DOCK2: variants seen among roughly 807,000 people sequenced by gnomAD.
The protein encoded by DOCK2 is dedicator of cytokinesis protein 2.
Under a neutral mutation model 248.9 loss-of-function variants are expected in DOCK2, and 87 were observed. That is an observed-to-expected ratio of 0.35 (90% confidence interval 0.29 to 0.42). DOCK2 has a LOEUF of 0.42. DOCK2 is among the 10% of genes least tolerant of loss of function. The pLI is 1.00. For missense variants in DOCK2, 1,747 were observed against 2,300.2 expected (o/e 0.76, Z 4.92); for synonymous variants, 805 against 821.6 (o/e 0.98, Z 0.35).
At chr5:169,654,832 A>T (rs1758013802) in intron 2 of DOCK2, among the ~76,000 whole-genome samples, 1 of 152,210 alleles carries the variant, frequency 6.6e-6, no homozygotes, top group Admixed American at 6.5e-5. Context: ...AGGGTCCCAT[A>T]AATCACACCT....
rs950762900 is a variant in DOCK2, at chr5:169,924,318, C to A, written c.2800-58750C>A. Among the ~76,000 whole-genome samples the A allele has an allele frequency of 3.9e-5, 6 of 152,250 alleles. No homozygotes were observed. In the South Asian group the frequency reaches 1.2e-3, roughly 32 times the overall value. On this transcript the variant is annotated intron_variant, in intron 27 of 51. Coordinates refer to ENST00000520908, the MANE Select transcript of DOCK2 (RefSeq NM_004946.3). ...TATATTTTCAAAATAAATAGGAAGT[C>A]TCTGTCCTCATACTCTTTCCCTGTC...
chr5:169,740,011 C>T (rs1469163518), intron 22 of DOCK2, among the ~76,000 whole-genome samples: 2 of 152,216 alleles, frequency 1.3e-5, no homozygotes, highest in Non-Finnish European at 2.9e-5. Flanking sequence ...ACCCTAAATA[C>T]CATTTTTCAT....
intron 27 of DOCK2, among the ~76,000 whole-genome samples, chr5:169,905,296 T>G (rs1561812093): frequency 6.7e-6 from 1 of 149,712 alleles, no homozygotes; most frequent in Non-Finnish European, 1.5e-5. Context: ...AGCCAGTGTT[T>G]TTTTTTTTTT....
chr5:169,837,068 T>C (rs1769627253), intron 26 of DOCK2, among the ~76,000 whole-genome samples: 1 of 152,118 alleles, frequency 6.6e-6, no homozygotes, highest in East Asian at 1.9e-4. Flanking sequence ...CTAGTCCCCA[T>C]CCACTCCCAG....
intron 27 of DOCK2, among the ~76,000 whole-genome samples, chr5:169,956,354 A>T (rs11740357): frequency 6.6e-6 from 1 of 152,034 alleles, no homozygotes; most frequent in Non-Finnish European, 1.5e-5. Flanking sequence ...AAGTGATACT[A>T]CTAACTTAAG....
At chr5:169,705,180 C>T (rs188290195) in intron 14 of DOCK2, among the ~76,000 whole-genome samples, 61 of 152,158 alleles carry the variant, frequency 4.0e-4, no homozygotes, top group Admixed American at 2.0e-3. Flanking sequence ...AGACAAAACA[C>T]GCCATAGGTA....
intron 27 of DOCK2, among the ~76,000 whole-genome samples, chr5:169,962,974 C>T (rs1168232598): frequency 6.6e-6 from 1 of 152,138 alleles, no homozygotes. Context: ...AGGGTGGAAG[C>T]TCTAGCTGGG....
At chr5:169,883,621 C>T (rs551914094) in intron 27 of DOCK2, 50 of 1,551,502 alleles carry the variant, frequency 3.2e-5, no homozygotes, top group Non-Finnish European at 4.1e-5. Context: ...TGCAATGTTG[C>T]GAAAGCCCCC....
chr5:170,027,986 A>T lies in DOCK2; in HGVS notation c.3467+38A>T, dbSNP rs573323367. 9 of 1,578,932 alleles carry T rather than the reference A, an allele frequency of 5.7e-6. No individual in the cohort carries two copies. The East Asian group carries it at 1.6e-4, about 28-fold the overall frequency. ...CCCTGTGTGTAGGAACAGCCTGTGA[A>T]GGTCAGGTGAGGCGGGAGGGCTCAG... is the stretch of plus-strand genomic sequence containing the variant. On this transcript the variant is annotated intron_variant, in intron 34 of 51. Transcript: ENST00000520908.
intron 44 of DOCK2, among the ~76,000 whole-genome samples, chr5:170,064,404 A>C (rs923033696): frequency 2.6e-5 from 4 of 152,030 alleles, no homozygotes; most frequent in Admixed American, 2.0e-4. Flanking sequence ...AATTCTAACA[A>C]AGAGAAAGCA....
chr5:169,702,506 C>A, intron 14 of DOCK2, 79 bp downstream of exon 14: 2 of 1,579,006 alleles, frequency 1.3e-6, no homozygotes, highest in Admixed American at 1.7e-5. Flanking sequence ...TTTCCTCTCC[C>A]TGATTCTGTT....
intron 27 of DOCK2, among the ~76,000 whole-genome samples, chr5:169,915,353 A>G (rs1183597489): frequency 3.3e-5 from 5 of 152,166 alleles, no homozygotes; most frequent in African/African-American, 1.2e-4. Flanking sequence ...GTAAGCACTA[A>G]TATTAATTGC....
intron 27 of DOCK2, among the ~76,000 whole-genome samples, chr5:169,928,588 A>G (rs539892389): frequency 3.9e-4 from 59 of 152,370 alleles, no homozygotes; most frequent in African/African-American, 1.4e-3. Flanking sequence ...AGAGAGGCCA[A>G]GAAAGCATGG....
intron 5 of DOCK2, among the ~76,000 whole-genome samples, chr5:169,671,834 G>A (rs1361697652): frequency 1.3e-5 from 2 of 152,104 alleles, no homozygotes; most frequent in South Asian, 2.1e-4. Flanking sequence ...CTTACCTTTC[G>A]TGGTCTTAAA....
At chr5:169,699,294 G>A (rs546651946) in intron 11 of DOCK2, 88 bp from the exon 12 acceptor site, 227 of 1,305,282 alleles carry the variant, frequency 1.7e-4, no homozygotes, top group Middle Eastern at 7.2e-4. Flanking sequence ...CACCTGAGGC[G>A]TGTGGAGGGG....
rs142654800 is a variant in DOCK2 at position 169,773,773 on chromosome 5, G to A, written c.2554+12148G>A. ...GAATTGGAGCTCCCATAATTCCCAC[G>A]TGTTGTGGGTGTGACCTGGTGGGAG... On this transcript the variant is annotated intron_variant, in intron 25 of 51. Coordinates refer to ENST00000520908, the MANE Select transcript of DOCK2 (RefSeq NM_004946.3). 2.8e-3 allele frequency among the ~76,000 whole-genome samples: 421 copies of A among 152,254 alleles called. 3 individuals carry two copies. The highest frequency in any genetic ancestry group is 9.5e-3 in the African/African-American group (396 of 41,558).
rs578142491 is a variant in DOCK2, at chr5:169,780,382, G to A, written c.2554+18757G>A. Among the ~76,000 whole-genome samples, 100 of 151,548 alleles carry A rather than the reference G, an allele frequency of 6.6e-4. 1 individual carries two copies. The highest frequency in any genetic ancestry group is 2.4e-3 in the African/African-American group (97 of 41,258). On this transcript the variant is annotated intron_variant, in intron 25 of 51. Coordinates refer to ENST00000520908, the MANE Select transcript of DOCK2 (RefSeq NM_004946.3). ...ACCTTCCAAAATGCATGGGAAAGTT[G>A]TCAACTTCTTTTCTCATGGTGTGTT...
chr5:169,830,764 A>G (rs1769173106), intron 26 of DOCK2, among the ~76,000 whole-genome samples: 1 of 152,236 alleles, frequency 6.6e-6, no homozygotes. Flanking sequence ...CTTTTAAAAG[A>G]ATGTTAGCCC....
In DOCK2 at chr5:169,702,069, G is replaced by C. The variant is rs1234702125; in HGVS notation, c.1259-234G>C. 4 of 339,140 alleles carry C rather than the reference G, an allele frequency of 1.2e-5. No individual in the cohort carries two copies. In the South Asian group the frequency reaches 2.0e-4, roughly 17 times the overall value. The allele number at this position is 339,140 out of a possible 1,614,324, so 21.0% of individuals were successfully genotyped here. ...TGTCGAGAAAAACATGGCCAATTTT[G>C]AGTGTCCCTACTTCCCTTTTTGCAA... is the stretch of plus-strand genomic sequence containing the variant. On this transcript the variant is annotated intron_variant, in intron 13 of 51. Transcript: ENST00000520908.
Sources: allele counts gnomAD v4.1 joint callset (sites outside exome capture counted in the v4.1 genomes callset), GRCh38; gene constraint gnomAD v4.1.1; transcripts MANE v1.5; gene names NCBI Gene and HGNC (gene_info 2026-07-23, HGNC 2026-07-21).